QRSL1: variants seen among roughly 807,000 people sequenced by gnomAD.
QRSL1 encodes the protein glutaminyl-tRNA amidotransferase subunit QRSL1, also known as glutamyl-tRNA(Gln) amidotransferase subunit A, mitochondrial.
Under a neutral mutation model 61.6 loss-of-function variants are expected in QRSL1, and 54 were observed. That is an observed-to-expected ratio of 0.88 (90% CI 0.70 to 1.10). QRSL1 has a LOEUF of 1.10. Among genes scored for constraint, QRSL1 ranks in the 50% least tolerant of loss-of-function variants. The pLI is 0.00. For synonymous variants in QRSL1, 228 were observed against 225.7 expected, an observed-to-expected ratio of 1.01 and a Z score of -0.09; for missense variants, 505 against 622.6, an observed-to-expected ratio of 0.81 and a Z score of 2.01.
rs1184088899 is a variant in QRSL1, at chr6:106,667,631, T to C, written c.*1629T>C. The C allele has an allele frequency of 6.6e-6, 1 of 152,170 alleles. No individual in the cohort carries two copies. The highest frequency in any genetic ancestry group is 2.1e-4 in the South Asian group (1 of 4,834). The allele number at this position is 152,170 out of a possible 1,614,324, so 9.4% of individuals were successfully genotyped here. On this transcript the variant is annotated 3_prime_UTR_variant, in exon 11 of 11. Coordinates refer to ENST00000369046, the MANE Select transcript of QRSL1 (RefSeq NM_018292.5). ...CACTGGAATGTTTCATCGTCACCTG[T>C]TAGTTTTCATAAACAGTTTTCTGTC...
Position 106,662,227 on chromosome 6 carries a change from T to C in QRSL1, c.1161-753T>C, listed in dbSNP as rs565662522. Reference sequence around the variant, plus strand: ...AAATACTGCATAGTCTACCGCTGTCTATCTTAGTAACCTTTAGAAAGCCAT... The same window carrying C: ...AAATACTGCATAGTCTACCGCTGTCCATCTTAGTAACCTTTAGAAAGCCAT... On this transcript the variant is annotated intron_variant, in intron 9 of 10. Transcript: ENST00000369046. 5.1e-4 allele frequency among the ~76,000 whole-genome samples: 77 copies of C among 152,356 alleles called. 1 individual carries two copies. The highest frequency in any genetic ancestry group is 1.8e-3 in the African/African-American group (74 of 41,582).
At chr6:106,648,098 C>A (rs901067705) in intron 4 of QRSL1, among the ~76,000 whole-genome samples, 1 of 151,586 alleles carries the variant, frequency 6.6e-6, no homozygotes, top group African/African-American at 2.4e-5. Flanking sequence ...GAGATTGAGA[C>A]CATCCTGGCC....
At chr6:106,632,351 G>A (rs890440824) in intron 1 of QRSL1, among the ~76,000 whole-genome samples, 15 of 151,944 alleles carry the variant, frequency 9.9e-5, no homozygotes, top group Non-Finnish European at 1.5e-4. Flanking sequence ...TTGCTGGATC[G>A]TATGGTAGTT....
chr6:106,661,871 C>A (rs559679856), intron 9 of QRSL1, among the ~76,000 whole-genome samples: 2 of 151,698 alleles, frequency 1.3e-5, no homozygotes, highest in East Asian at 3.9e-4. Context: ...GCCACCACGC[C>A]CGGCTAATTT....
At position 106,639,130 on chromosome 6, in the gene QRSL1, T is replaced by TTG. The variant is rs1554200745; in HGVS notation, c.25-1218_25-1217insGT. Reference sequence around the variant, plus strand: ...TTGTGTGTTTTGTTGTTTTTTTTTTTTTTTTTTTTTTTTTTTGACAGAGTC... The same window carrying TTG: ...TTGTGTGTTTTGTTGTTTTTTTTTTTTGTTTTTTTTTTTTTTTTGACAGAGTC... On this transcript the variant is annotated intron_variant, in intron 1 of 10. Transcript: ENST00000369046. Among the ~76,000 whole-genome samples, 66 of 140,038 alleles carry TTG rather than the reference T, an allele frequency of 4.7e-4. 3 individuals carry two copies. Among genetic ancestry groups the TTG allele is most frequent in the East Asian group, 8.7e-4 (4 of 4,606 alleles). The allele number at this position is 140,038 out of a possible 152,430, so 91.9% of individuals were successfully genotyped here. A position where few individuals can be genotyped will look rare whatever the true frequency, so the allele number is the denominator to read the frequency against.
intron 1 of QRSL1, among the ~76,000 whole-genome samples, chr6:106,638,393 C>CTCCCG (rs1270294388): frequency 6.6e-6 from 1 of 152,162 alleles, no homozygotes; most frequent in Non-Finnish European, 1.5e-5. Context: ...CAACCTCTGC[C>CTCCCG]TCCCGGGTTC....
intron 8 of QRSL1, among the ~76,000 whole-genome samples, chr6:106,655,408 C>T (rs980166788): frequency 6.6e-6 from 1 of 150,766 alleles, no homozygotes; most frequent in Non-Finnish European, 1.5e-5. Context: ...CTAAGCTACT[C>T]AGGAGGCCGA....
intron 4 of QRSL1, among the ~76,000 whole-genome samples, chr6:106,647,157 A>G (rs1169553864): frequency 6.6e-6 from 1 of 152,098 alleles, no homozygotes; most frequent in African/African-American, 2.4e-5. Context: ...TTTGCAAAAC[A>G]TGTATCTCAG....
chr6:106,632,439 T>C (rs1283837702), intron 1 of QRSL1, among the ~76,000 whole-genome samples: 1 of 151,964 alleles, frequency 6.6e-6, no homozygotes, highest in African/African-American at 2.4e-5. Flanking sequence ...TGGTCTTGAA[T>C]TCTTGGCTTC....
intron 10 of QRSL1, 106 bp downstream of exon 10, chr6:106,663,291 A>G (rs1777386654): frequency 2.8e-6 from 3 of 1,054,832 alleles, no homozygotes; most frequent in South Asian, 2.9e-5. Context: ...GCAAAAGTCT[A>G]TCCTTTTGGA....
intron 3 of QRSL1, among the ~76,000 whole-genome samples, chr6:106,642,200 C>T (rs955383421): frequency 6.6e-6 from 1 of 152,150 alleles, no homozygotes; most frequent in African/African-American, 2.4e-5. Flanking sequence ...AAATTACAGG[C>T]ATGCACCACC....
intron 9 of QRSL1, 83 bp downstream of exon 9, chr6:106,655,815 T>TAAG: frequency 1.2e-6 from 1 of 860,614 alleles, no homozygotes; most frequent in African/African-American, 1.7e-5. Context: ...AGTCAAGGTA[T>TAAG]TTAGTAAAGA....
At position 106,666,680 on chromosome 6, in the gene QRSL1, T is replaced by G. The variant is rs527691812; in HGVS notation, c.*678T>G. On this transcript the variant is annotated 3_prime_UTR_variant, in exon 11 of 11. Coordinates refer to ENST00000369046, the MANE Select transcript of QRSL1 (RefSeq NM_018292.5). ...ATGAATAGTCCTTCTAGAGGTAACT[T>G]GGATAGCCTAGGCAGGCAACTTATC... is the stretch of plus-strand genomic sequence containing the variant. The G allele has an allele frequency of 1.6e-4, 24 of 152,714 alleles. No homozygotes were observed. The highest frequency in any genetic ancestry group is 5.3e-4 in the African/African-American group (22 of 41,576). The allele number at this position is 152,714 out of a possible 1,614,324, so 9.5% of individuals were successfully genotyped here. A position where few individuals can be genotyped will look rare whatever the true frequency, so the allele number is the denominator to read the frequency against.
In QRSL1 at chr6:106,663,021, G is replaced by T. The variant is rs1028223547; in HGVS notation, c.1202G>T (p.Arg401Leu). Reference sequence around the variant, plus strand: ...TTTGTCAAAGCACAGAAAGTGAGACGCCTCATTGCTAATGACTTTGTAAAT... The same window carrying T: ...TTTGTCAAAGCACAGAAAGTGAGACTCCTCATTGCTAATGACTTTGTAAAT... Reference protein sequence around the residue: ...NYFVKAQKVRRLIANDFVNAF... With the variant: ...NYFVKAQKVRLLIANDFVNAF... Residue 401 changes from arginine to leucine, a missense_variant, in exon 10 of 11, where the codon CGC becomes CTC. Arg to Leu is a moderately radical substitution (Grantham distance 102, BLOSUM62 -2). Coordinates refer to ENST00000369046, the MANE Select transcript of QRSL1 (RefSeq NM_018292.5). 2 of 1,612,552 alleles carry T rather than the reference G, an allele frequency of 1.2e-6. No homozygotes were observed. Among genetic ancestry groups the T allele is most frequent in the African/African-American group, 1.3e-5 (1 of 74,892 alleles).
At chr6:106,646,531 C>G (rs1486207087) in intron 4 of QRSL1, among the ~76,000 whole-genome samples, 1 of 152,060 alleles carries the variant, frequency 6.6e-6, no homozygotes, top group Non-Finnish European at 1.5e-5. Flanking sequence ...GGCCTGGTGG[C>G]TCATGCCTGT....
chr6:106,668,343 CACTG>C lies in QRSL1; in HGVS notation c.*2342_*2345del, dbSNP rs1777473282. On this transcript the variant is annotated 3_prime_UTR_variant, in exon 11 of 11. Coordinates refer to ENST00000369046, the MANE Select transcript of QRSL1 (RefSeq NM_018292.5). ...TCTAGTAGGTCTCATTTTGCCAAGT[CACTG>C]TCTGGGAATTTAAGTGGCAAATACT... The C allele has an allele frequency of 6.6e-6, 1 of 151,908 alleles. No homozygotes were observed. Among genetic ancestry groups the C allele is most frequent in the East Asian group, 1.9e-4 (1 of 5,192 alleles). 9.4% of individuals were successfully genotyped at this position (151,908 alleles called of 1,614,324 possible). A position where few individuals can be genotyped will look rare whatever the true frequency, so the allele number is the denominator to read the frequency against.
chr6:106,652,477 C>G lies in QRSL1; in HGVS notation c.744C>G (p.Ala248=), dbSNP rs761204018. 1.2e-6 allele frequency: 2 copies of G among 1,614,136 alleles called. No homozygotes were observed. Among genetic ancestry groups the G allele is most frequent in the Non-Finnish European group, 1.7e-6 (2 of 1,180,018 alleles). The part of the protein sequence containing the change: ...DDAAIVLGAL[A]GPDPRDSTTV... ...TATTGCTCCTTACAGGTGCACTGGCCGGACCTGACCCCAGGGACTCTACCA... is the reference window on the plus strand; with the variant it reads ...TATTGCTCCTTACAGGTGCACTGGCGGGACCTGACCCCAGGGACTCTACCA... Residue 248 remains alanine, a synonymous_variant, in exon 7 of 11, where the codon GCC becomes GCG. Transcript: ENST00000369046.
Position 106,667,546 on chromosome 6 carries a change from T to C in QRSL1, c.*1544T>C, listed in dbSNP as rs527488673. On this transcript the variant is annotated 3_prime_UTR_variant, in exon 11 of 11. Coordinates refer to ENST00000369046, the MANE Select transcript of QRSL1 (RefSeq NM_018292.5). Reference sequence around the variant, plus strand: ...ATTCACTTTGTTTAGTAAAAAAAAATTGTTTTCTAAATATGACGTTCATGA... The same window carrying C: ...ATTCACTTTGTTTAGTAAAAAAAAACTGTTTTCTAAATATGACGTTCATGA... 6.6e-6 allele frequency: 1 copy of C among 152,124 alleles called. No homozygotes were observed. Among genetic ancestry groups the C allele is most frequent in the Non-Finnish European group, 1.5e-5 (1 of 68,026 alleles). 9.4% of individuals were successfully genotyped at this position (152,124 alleles called of 1,614,324 possible). A position where few individuals can be genotyped will look rare whatever the true frequency, so the allele number is the denominator to read the frequency against.
intron 1 of QRSL1, among the ~76,000 whole-genome samples, chr6:106,635,302 C>T (rs1235366427): frequency 2.6e-5 from 4 of 152,122 alleles, no homozygotes; most frequent in African/African-American, 9.7e-5. Flanking sequence ...ACCAGGATGG[C>T]ATGGTGTCCT....
Sources: gnomAD v4.1 joint callset for allele counts (sites outside exome capture counted in the v4.1 genomes callset) on GRCh38, gnomAD v4.1.1 for gene constraint, MANE v1.5 for transcripts, NCBI Gene and HGNC (gene_info 2026-07-23, HGNC 2026-07-21) for gene names.